The following PCLO variants were observed in gnomAD, a reference collection of about 807,000 sequenced individuals.
PCLO encodes the protein piccolo presynaptic cytomatrix protein, also known as protein piccolo.
PCLO carries 82 observed loss-of-function variants against 427.5 expected under a neutral mutation model. The ratio of observed to expected loss-of-function variants is 0.19; its 90% CI spans 0.16 to 0.23. The LOEUF (loss-of-function observed/expected upper bound fraction) is 0.23. PCLO is among the 10% of genes least tolerant of loss of function. PCLO has a pLI of 1.00. For missense variants in PCLO, 6,239 were observed against 6,115.9 expected (o/e 1.02, Z -0.67); for synonymous variants, 2,357 against 2,155.4 (o/e 1.09, Z -2.59).
At chr7:82,813,178 C>T (rs566384077) in intron 20 of PCLO, among the ~76,000 whole-genome samples, 2 of 151,694 alleles carry the variant, frequency 1.3e-5, no homozygotes, top group East Asian at 1.9e-4. Context: ...TGGTCAATGG[C>T]CACGAAGTAA....
intron 1 of PCLO, among the ~76,000 whole-genome samples, chr7:83,158,734 C>A (rs1440700652): frequency 6.6e-6 from 1 of 151,952 alleles, no homozygotes; most frequent in Non-Finnish European, 1.5e-5. Context: ...GTACTTCCTA[C>A]AAATATAAGT....
chr7:82,846,928 A>T (rs1792517594), intron 11 of PCLO, among the ~76,000 whole-genome samples: 1 of 152,196 alleles, frequency 6.6e-6, no homozygotes, highest in South Asian at 2.1e-4. Flanking sequence ...TAAATGAAGC[A>T]TGTTTCCATA....
In PCLO at chr7:82,938,520, CA is replaced by C. The variant is rs1192370441; in HGVS notation, c.11112+10955del. Among the ~76,000 whole-genome samples the C allele has an allele frequency of 1.2e-4, 18 of 152,008 alleles. No individual in the cohort carries two copies. The East Asian group carries it at 3.3e-3, about 28-fold the overall frequency. On this transcript the variant is annotated intron_variant, in intron 6 of 24. Coordinates refer to ENST00000333891, the MANE Select transcript of PCLO (RefSeq NM_033026.6). ...ACCACCCTTTTTGTAGTCCCTATTT[CA>C]AAAACTTATTGGGGCAGCTTTTGCC...
At chr7:82,838,957 GA>G (rs1193703517) in intron 14 of PCLO, among the ~76,000 whole-genome samples, 1 of 151,862 alleles carries the variant, frequency 6.6e-6, no homozygotes, top group Non-Finnish European at 1.5e-5. Context: ...TTTAGAAGCT[GA>G]AAAAAGAAGA....
chr7:83,100,967 A>G (rs909123863), intron 3 of PCLO, among the ~76,000 whole-genome samples: 1 of 152,116 alleles, frequency 6.6e-6, no homozygotes, highest in African/African-American at 2.4e-5. Context: ...TACTAAAAGT[A>G]CAAAATATTA....
At chr7:83,157,502 T>C (rs548723012) in intron 1 of PCLO, among the ~76,000 whole-genome samples, 20 of 151,968 alleles carry the variant, frequency 1.3e-4, no homozygotes, top group Non-Finnish European at 2.5e-4. Context: ...TCTTAATGCA[T>C]AGACAAATAT....
chr7:83,114,419 G>A (rs1011722639), intron 3 of PCLO, among the ~76,000 whole-genome samples: 1 of 152,116 alleles, frequency 6.6e-6, no homozygotes, highest in Non-Finnish European at 1.5e-5. Context: ...TGAACGTGCA[G>A]AGGATGAAGA....
At chr7:82,803,180 G>A (rs1303222208) in intron 21 of PCLO, among the ~76,000 whole-genome samples, 1 of 151,988 alleles carries the variant, frequency 6.6e-6, no homozygotes, top group Admixed American at 6.6e-5. Context: ...TAGCATTAGA[G>A]GGGAAAAAAA....
intron 10 of PCLO, 70 bp downstream of exon 10, chr7:82,879,267 C>A: frequency 7.6e-7 from 1 of 1,310,364 alleles, no homozygotes; most frequent in Non-Finnish European, 1.0e-6. Context: ...AGAACATTTG[C>A]ATATTAAATT....
chr7:83,037,989 T>TTTTATATATATATA (rs1437975363), intron 3 of PCLO, among the ~76,000 whole-genome samples: 1 of 13,586 alleles, frequency 7.4e-5, no homozygotes, highest in African/African-American at 2.7e-4. Context: ...AAGGAGGAGC[T>TTTTATATATATATA]TATATATATA....
chr7:82,998,395 AACAACAACAACAAC>A (rs1787686871), intron 3 of PCLO, among the ~76,000 whole-genome samples: 3 of 21,098 alleles, frequency 1.4e-4, no homozygotes, highest in Non-Finnish European at 1.5e-4. Flanking sequence ...CTTTAAAAAC[AACAACAACAACAAC>A]AACAACAACA....
At chr7:82,772,098 C>T (rs1057474056) in intron 22 of PCLO, among the ~76,000 whole-genome samples, 1 of 151,956 alleles carries the variant, frequency 6.6e-6, no homozygotes. Flanking sequence ...TCTTTGTAGC[C>T]CATAGAAAAG....
At chr7:82,853,081 A>G (rs1792707324) in intron 10 of PCLO, among the ~76,000 whole-genome samples, 1 of 152,170 alleles carries the variant, frequency 6.6e-6, no homozygotes, top group Non-Finnish European at 1.5e-5. Context: ...ATAGAATTCC[A>G]TGGTGTATAC....
intron 3 of PCLO, among the ~76,000 whole-genome samples, chr7:83,050,707 C>T (rs548743439): frequency 6.6e-6 from 1 of 150,876 alleles, no homozygotes; most frequent in East Asian, 2.0e-4. Flanking sequence ...TTGGGAACAG[C>T]CTGGCCAACA....
At chr7:83,068,107 C>T (rs1454139581) in intron 3 of PCLO, among the ~76,000 whole-genome samples, 1 of 151,928 alleles carries the variant, frequency 6.6e-6, no homozygotes, top group African/African-American at 2.4e-5. Flanking sequence ...TTTAGCTGTT[C>T]CCAGATTTTA....
intron 2 of PCLO, 67 bp downstream of exon 2, chr7:83,154,681 T>C: frequency 8.8e-7 from 1 of 1,141,250 alleles, no homozygotes; most frequent in Non-Finnish European, 1.3e-6. Flanking sequence ...TGTGTTTAGT[T>C]AAGCATCATT....
chr7:83,012,631 A>T (rs1397796466), intron 3 of PCLO, among the ~76,000 whole-genome samples: 2 of 150,372 alleles, frequency 1.3e-5, no homozygotes, highest in Non-Finnish European at 3.0e-5. Flanking sequence ...GAAAAAAAAA[A>T]AAAAAAAAAA....
At chr7:82,979,504 C>T (rs6967733) in intron 3 of PCLO, among the ~76,000 whole-genome samples, 11,235 of 152,132 alleles carry the variant, frequency 0.074, 1,412 homozygotes, top group African/African-American at 0.26. Context: ...AAAATATTTA[C>T]TATTTGCTTT....
intron 9 of PCLO, chr7:82,880,415 T>C (rs996363483): frequency 4.9e-6 from 2 of 411,366 alleles, no homozygotes; most frequent in African/African-American, 2.0e-5. Context: ...CTCTATTCTT[T>C]TTATCTTTTG....
Sources: gnomAD v4.1 joint callset for allele counts (sites outside exome capture counted in the v4.1 genomes callset) on GRCh38, gnomAD v4.1.1 for gene constraint, MANE v1.5 for transcripts, NCBI Gene and HGNC (gene_info 2026-07-23, HGNC 2026-07-21) for gene names.